MACROD2: variants seen among roughly 807,000 people sequenced by gnomAD.
The protein encoded by MACROD2 is mono-ADP ribosylhydrolase 2.
A neutral mutation model predicts 70.4 loss-of-function variants in MACROD2; 36 were observed. That is an observed-to-expected ratio of 0.51 (90% CI 0.39 to 0.68). MACROD2 has a LOEUF of 0.68. MACROD2 is among the 30% of genes least tolerant of loss of function. The probability of loss-of-function intolerance (pLI) is 0.00; values close to 1 mark genes in which losing one functional copy is unlikely to be tolerated. For synonymous variants in MACROD2, 172 were observed against 178.8 expected, an observed-to-expected ratio of 0.96 and a Z score of 0.30; for missense variants, 496 against 538.4, an observed-to-expected ratio of 0.92 and a Z score of 0.78.
At chr20:15,591,341 G>A (rs2048676851) in intron 8 of MACROD2, among the ~76,000 whole-genome samples, 1 of 152,064 alleles carries the variant, frequency 6.6e-6, no homozygotes, top group South Asian at 2.1e-4. Context: ...TCTGTCCAGG[G>A]AATACTGGCT....
chr20:14,353,894 G>A (rs1435966232), intron 3 of MACROD2, among the ~76,000 whole-genome samples: 5 of 152,024 alleles, frequency 3.3e-5, no homozygotes, highest in Non-Finnish European at 1.5e-5. Flanking sequence ...GGCTAATTTT[G>A]CTTAAAAAAT....
chr20:15,469,789 C>T (rs948245700), intron 7 of MACROD2, among the ~76,000 whole-genome samples: 4 of 152,158 alleles, frequency 2.6e-5, no homozygotes, highest in African/African-American at 9.7e-5. Flanking sequence ...CCCAATATTA[C>T]TCCTAGCAGT....
At chr20:15,752,607 T>C (rs924345495) in intron 8 of MACROD2, among the ~76,000 whole-genome samples, 5 of 152,296 alleles carry the variant, frequency 3.3e-5, no homozygotes, top group African/African-American at 1.2e-4. Flanking sequence ...AGATTATCTT[T>C]TTCATTGCAT....
At chr20:15,840,930 G>A (rs1249343070) in intron 8 of MACROD2, among the ~76,000 whole-genome samples, 2 of 152,094 alleles carry the variant, frequency 1.3e-5, no homozygotes, top group Admixed American at 6.6e-5. Context: ...AAATAAATAT[G>A]TTTTTCAACA....
intron 3 of MACROD2, among the ~76,000 whole-genome samples, chr20:14,126,105 A>G (rs933571619): frequency 6.6e-6 from 1 of 152,212 alleles, no homozygotes; most frequent in African/African-American, 2.4e-5. Flanking sequence ...ACAACAAAAT[A>G]CCATAGATGG....
chr20:14,954,203 C>G (rs1020575481), intron 5 of MACROD2, among the ~76,000 whole-genome samples: 2 of 151,838 alleles, frequency 1.3e-5, no homozygotes, highest in Non-Finnish European at 2.9e-5. Flanking sequence ...ATAAACTATT[C>G]TTCATAATCC....
chr20:14,629,952 G>GTTCTATCTATCTATCTATTTATCT (rs201078091), intron 4 of MACROD2, among the ~76,000 whole-genome samples: 9 of 129,058 alleles, frequency 7.0e-5, no homozygotes, highest in African/African-American at 2.0e-4. Flanking sequence ...TATGTGCTAA[G>GTTCTATCTATCTATCTATTTATCT]GTCTATCTAT....
At chr20:14,056,944 A>T (rs950935872) in intron 2 of MACROD2, among the ~76,000 whole-genome samples, 27 of 151,618 alleles carry the variant, frequency 1.8e-4, no homozygotes, top group Non-Finnish European at 3.8e-4. Flanking sequence ...TTATTGCTAC[A>T]TTATTTGATT....
intron 8 of MACROD2, among the ~76,000 whole-genome samples, chr20:15,764,262 T>C (rs1026719511): frequency 4.6e-5 from 7 of 152,250 alleles, no homozygotes; most frequent in Admixed American, 4.6e-4. Flanking sequence ...TTTTTTTCTG[T>C]TATATTGATC....
At chr20:15,047,799 G>C (rs892301049) in intron 5 of MACROD2, among the ~76,000 whole-genome samples, 1 of 152,122 alleles carries the variant, frequency 6.6e-6, no homozygotes, top group African/African-American at 2.4e-5. Flanking sequence ...ATTGCAACGT[G>C]ATGAGGTTTC....
intron 7 of MACROD2, among the ~76,000 whole-genome samples, chr20:15,471,663 G>A (rs2046965650): frequency 6.6e-6 from 1 of 152,048 alleles, no homozygotes; most frequent in Non-Finnish European, 1.5e-5. Context: ...CTGTAACATG[G>A]GACTTTCCAG....
intron 5 of MACROD2, among the ~76,000 whole-genome samples, chr20:15,085,211 C>T (rs143752293): frequency 4.5e-4 from 69 of 152,170 alleles, no homozygotes; most frequent in Admixed American, 1.4e-3. Flanking sequence ...GTTGGACCCT[C>T]TATCTCACAT....
At chr20:15,701,252 G>A (rs1039311069) in intron 8 of MACROD2, among the ~76,000 whole-genome samples, 5 of 152,128 alleles carry the variant, frequency 3.3e-5, no homozygotes, top group African/African-American at 9.7e-5. Flanking sequence ...AATATTATCC[G>A]TGATTTTCCA....
chr20:14,341,495 C>T lies in MACROD2; in HGVS notation c.272-151984C>T, dbSNP rs145831166. ...TCTAGTAAAAATACAAAAAGTTAGC[C>T]GGGCGTGGTGGCACGTGCCTGTAAT... On this transcript the variant is annotated intron_variant, in intron 3 of 17. Transcript: ENST00000684519. 4.8e-3 allele frequency among the ~76,000 whole-genome samples: 726 copies of T among 151,962 alleles called. 2 individuals carry two copies. Among genetic ancestry groups the T allele is most frequent in the African/African-American group, 0.017 (696 of 41,446 alleles).
intron 15 of MACROD2, among the ~76,000 whole-genome samples, chr20:16,004,859 A>G (rs2066766473): frequency 6.6e-6 from 1 of 152,208 alleles, no homozygotes; most frequent in African/African-American, 2.4e-5. Flanking sequence ...CGGGGCAGTT[A>G]TACTTTTTAC....
rs540800551 is a variant in MACROD2 at position 14,592,346 on chromosome 20, T to C, written c.302-92497T>C. Among the ~76,000 whole-genome samples, 7 of 152,296 alleles carry C rather than the reference T, an allele frequency of 4.6e-5. No individual in the cohort carries two copies. The East Asian group carries it at 1.2e-3, about 25-fold the overall frequency. On this transcript the variant is annotated intron_variant, in intron 4 of 17. Transcript: ENST00000684519. ...ATAGTTGTTAAGTTTTAGGAACTTT[T>C]GGGCATTTGATTTGGTCCGCTAGAA...
At chr20:15,327,051 A>G (rs2077937826) in intron 6 of MACROD2, among the ~76,000 whole-genome samples, 1 of 152,212 alleles carries the variant, frequency 6.6e-6, no homozygotes, top group Admixed American at 6.6e-5. Context: ...TATACATTTT[A>G]CGTAATACAG....
In MACROD2 at chr20:15,093,929, G is replaced by A. The variant is rs909487007; in HGVS notation, c.419-136011G>A. ...TGTGTCGAGGGAAGCTCAGTGCCTT[G>A]CCCTCTGTCAACAGCCACCAAGGGA... is the stretch of plus-strand genomic sequence containing the variant. On this transcript the variant is annotated intron_variant, in intron 5 of 17. Transcript: ENST00000684519. Among the ~76,000 whole-genome samples the A allele has an allele frequency of 3.3e-5, 5 of 152,250 alleles. No homozygotes were observed. In the South Asian group the frequency reaches 1.0e-3, roughly 32 times the overall value.
In MACROD2 at chr20:14,862,641, AAATAT is replaced by A. The variant is rs1568841464; in HGVS notation, c.418+177684_418+177688del. On this transcript the variant is annotated intron_variant, in intron 5 of 17. Transcript: ENST00000684519. ...AATATATATATATAAATATATATAT[AAATAT>A]ATATATATAAATATATATATAAATA... Among the ~76,000 whole-genome samples, 6 of 9,664 alleles carry A rather than the reference AAATAT, an allele frequency of 6.2e-4. 1 individual carries two copies. Among genetic ancestry groups the A allele is most frequent in the African/African-American group, 5.5e-3 (5 of 916 alleles). The allele number at this position is 9,664 out of a possible 152,430, so 6.3% of individuals were successfully genotyped here. A position where few individuals can be genotyped will look rare whatever the true frequency, so the allele number is the denominator to read the frequency against.
Sources: gnomAD v4.1 joint callset for allele counts (sites outside exome capture counted in the v4.1 genomes callset) on GRCh38, gnomAD v4.1.1 for gene constraint, MANE v1.5 for transcripts, NCBI Gene and HGNC (gene_info 2026-07-23, HGNC 2026-07-21) for gene names.